Variants in PTBP2 observed in about 807,000 individuals in gnomAD.
PTBP2 encodes the protein polypyrimidine tract binding protein 2.
In PTBP2, 13 loss-of-function variants were observed where a neutral mutation model predicts 61.4. The observed-to-expected ratio is 0.21, with a 90% CI of 0.14 to 0.34. The LOEUF (loss-of-function observed/expected upper bound fraction) is 0.34, where lower values mean the gene tolerates loss of function less well. Among genes scored for constraint, PTBP2 ranks in the 10% least tolerant of loss-of-function variants. The probability of loss-of-function intolerance (pLI) is 1.00; values close to 1 mark genes in which losing one functional copy is unlikely to be tolerated. For synonymous variants in PTBP2, 215 were observed against 218.5 expected (o/e 0.98, Z 0.14); for missense variants, 405 against 642.6 (o/e 0.63, Z 4.00).
At chr1:96,810,022 A>C (rs922859332) in intron 11 of PTBP2, among the ~76,000 whole-genome samples, 3 of 152,168 alleles carry the variant, frequency 2.0e-5, no homozygotes, top group Non-Finnish European at 4.4e-5. Context: ...AACACAAAAA[A>C]ATTTTTTTGA....
At chr1:96,761,198 T>C (rs1655802627) in intron 3 of PTBP2, among the ~76,000 whole-genome samples, 1 of 152,182 alleles carries the variant, frequency 6.6e-6, no homozygotes, top group Admixed American at 6.5e-5. Flanking sequence ...ATAAACTAAG[T>C]TGCAAAACAA....
intron 2 of PTBP2, among the ~76,000 whole-genome samples, chr1:96,738,246 A>G (rs1341415300): frequency 1.3e-5 from 2 of 152,082 alleles, no homozygotes; most frequent in African/African-American, 4.8e-5. Flanking sequence ...ATATATATAT[A>G]TAAACTCTTG....
At chr1:96,749,955 T>TGTATTTTCA (rs1654333168) in intron 2 of PTBP2, among the ~76,000 whole-genome samples, 3 of 152,178 alleles carry the variant, frequency 2.0e-5, no homozygotes, top group Non-Finnish European at 4.4e-5. Context: ...TATTTTCTAC[T>TGTATTTTCA]TGTCATGAAA....
At chr1:96,751,992 TTA>T (rs1654606519) in intron 3 of PTBP2, among the ~76,000 whole-genome samples, 1 of 152,090 alleles carries the variant, frequency 6.6e-6, no homozygotes, top group East Asian at 1.9e-4. Flanking sequence ...GTTGATCCTT[TTA>T]TGTTGTCTAC....
Position 96,804,940 on chromosome 1 carries a change from G to A in PTBP2, c.1044+1G>A. 1 of 1,573,308 alleles carries A rather than the reference G, an allele frequency of 6.4e-7. No individual in the cohort carries two copies. The highest frequency in any genetic ancestry group is 8.6e-7 in the Non-Finnish European group (1 of 1,157,662). On this transcript the variant is annotated splice_donor_variant, in intron 9 of 13. Transcript: ENST00000674951. LOFTEE classifies it high-confidence loss of function. ...GTTGGTTAGCAATTTAAATGAAGAG[G>A]TTAGTAAAATAATCTCTAATGTTTA...
chr1:96,731,737 A>G (rs1011410504), intron 2 of PTBP2, among the ~76,000 whole-genome samples: 3 of 152,084 alleles, frequency 2.0e-5, no homozygotes, highest in Non-Finnish European at 2.9e-5. Flanking sequence ...TTGTTAGCTC[A>G]GTGAGACTAT....
At chr1:96,781,178 A>C (rs1020858972) in intron 7 of PTBP2, among the ~76,000 whole-genome samples, 1 of 152,068 alleles carries the variant, frequency 6.6e-6, no homozygotes, top group Non-Finnish European at 1.5e-5. Flanking sequence ...GTCAATCATA[A>C]TTTAAGTAGC....
intron 11 of PTBP2, among the ~76,000 whole-genome samples, chr1:96,808,542 C>T (rs1052416735): frequency 6.6e-6 from 1 of 152,128 alleles, no homozygotes; most frequent in African/African-American, 2.4e-5. Context: ...AGTACAGTTA[C>T]ATTGGGGGTT....
intron 1 of PTBP2, among the ~76,000 whole-genome samples, chr1:96,722,283 G>A (rs1417403772): frequency 6.6e-6 from 1 of 152,142 alleles, no homozygotes; most frequent in Non-Finnish European, 1.5e-5. Flanking sequence ...GGCAGAGACA[G>A]GCCTTTGGAT....
intron 5 of PTBP2, among the ~76,000 whole-genome samples, chr1:96,775,091 C>A (rs1462769468): frequency 6.6e-6 from 1 of 152,218 alleles, no homozygotes; most frequent in Admixed American, 6.5e-5. Context: ...TAAAAGCTAT[C>A]CCCTGATAAG....
Position 96,772,618 on chromosome 1 carries a change from C to G in PTBP2, c.432+1767C>G, listed in dbSNP as rs151041717. On this transcript the variant is annotated intron_variant, in intron 5 of 13. Transcript: ENST00000674951. ...CTGGTGACTATTTTTCTACTCTCTA[C>G]TAATGTGAGTTCAGCTTTTTTAGAT... Among the ~76,000 whole-genome samples, 595 of 152,218 alleles carry G rather than the reference C, an allele frequency of 3.9e-3. 4 individuals are homozygous for G. Among genetic ancestry groups the G allele is most frequent in the African/African-American group, 0.013 (536 of 41,550 alleles).
chr1:96,819,765 C>G (rs1226964371), downstream of PTBP2: 1 of 150,616 alleles, frequency 6.6e-6, no homozygotes, highest in African/African-American at 2.4e-5. Context: ...TGCAGTGGTT[C>G]CAGATGGTTG....
rs1571013004 is a variant in PTBP2 at position 96,804,284 on chromosome 1, TA to T, written c.905-514del. ...ATTTTCTTTATTTGCATGAATTAAA[TA>T]ATGATGTTCAGAGTGATTTGTCTCT... On this transcript the variant is annotated intron_variant, in intron 8 of 13. Coordinates refer to ENST00000674951, the MANE Select transcript of PTBP2 (RefSeq NM_021190.4). 2.0e-5 allele frequency among the ~76,000 whole-genome samples: 3 copies of T among 152,268 alleles called. No homozygotes were observed. In the East Asian group the frequency reaches 5.8e-4, roughly 29 times the overall value.
chr1:96,723,932 CTT>C (rs1159159063), intron 2 of PTBP2, among the ~76,000 whole-genome samples: 2 of 152,080 alleles, frequency 1.3e-5, no homozygotes, highest in African/African-American at 2.4e-5. Flanking sequence ...TGACCTATAT[CTT>C]ATAATTTTGT....
At chr1:96,797,077 TTATG>T (rs1237109468) in intron 8 of PTBP2, among the ~76,000 whole-genome samples, 3 of 152,090 alleles carry the variant, frequency 2.0e-5, no homozygotes, top group Non-Finnish European at 4.4e-5. Flanking sequence ...GCTGAAGTCT[TTATG>T]TAATGGGAGG....
chr1:96,815,695 G>A (rs962602095), downstream of PTBP2: 1 of 152,076 alleles, frequency 6.6e-6, no homozygotes, highest in African/African-American at 2.4e-5. Context: ...TATACTTAAT[G>A]TAGTAATTCA....
chr1:96,799,905 A>T (rs1204597412), intron 8 of PTBP2, among the ~76,000 whole-genome samples: 5 of 152,204 alleles, frequency 3.3e-5, no homozygotes, highest in Non-Finnish European at 5.9e-5. Flanking sequence ...TTCAGACAAA[A>T]GTATATTGAG....
intron 8 of PTBP2, among the ~76,000 whole-genome samples, chr1:96,797,434 G>A (rs922448889): frequency 6.6e-6 from 1 of 152,186 alleles, no homozygotes; most frequent in Non-Finnish European, 1.5e-5. Context: ...TCAAGGGAAG[G>A]TTGGTGGAAG....
chr1:96,773,653 T>TA (rs1657652739), intron 5 of PTBP2, among the ~76,000 whole-genome samples: 1 of 152,048 alleles, frequency 6.6e-6, no homozygotes. Context: ...AAGAGGCTCT[T>TA]ATTCTGGGTC....
Sources: gnomAD v4.1 joint callset for allele counts (sites outside exome capture counted in the v4.1 genomes callset) on GRCh38, gnomAD v4.1.1 for gene constraint, MANE v1.5 for transcripts, NCBI Gene and HGNC (gene_info 2026-07-23, HGNC 2026-07-21) for gene names.